AGRN: variants seen among roughly 807,000 people sequenced by gnomAD.
AGRN encodes agrin.
In AGRN, 106 loss-of-function variants were observed where a neutral mutation model predicts 211.0. That is an observed-to-expected ratio of 0.50 (90% confidence interval 0.43 to 0.59). The LOEUF (loss-of-function observed/expected upper bound fraction) is 0.59, where lower values mean the gene tolerates loss of function less well. Among genes scored for constraint, AGRN ranks in the 20% least tolerant of loss-of-function variants. AGRN has a pLI of 0.00. For synonymous variants in AGRN, 1,525 were observed against 1,332.5 expected (o/e 1.14, Z -3.15); for missense variants, 3,040 against 2,982.6 (o/e 1.02, Z -0.45).
intron 3 of AGRN, among the ~76,000 whole-genome samples, chr1:1,036,774 C>G (rs1644814329): frequency 6.6e-6 from 1 of 152,196 alleles, no homozygotes; most frequent in Non-Finnish European, 1.5e-5. Context: ...CACCAGGCTT[C>G]TCTTGGACTG....
chr1:1,054,711 G>A, intron 35 of AGRN, 113 bp from the exon 36 acceptor site: 12 of 1,494,012 alleles, frequency 8.0e-6, no homozygotes, highest in Non-Finnish European at 1.1e-5. Flanking sequence ...CCAGTGCTGT[G>A]GGGCCGGGAG....
In AGRN at chr1:1,049,227, T is replaced by C. The variant is rs896464951; in HGVS notation, c.4299-9T>C. On this transcript the variant is annotated splice_polypyrimidine_tract_variant and intron_variant, in intron 24 of 35. Coordinates refer to ENST00000379370, the MANE Select transcript of AGRN (RefSeq NM_198576.4). ...GGCGATGGTCCTGAGCACCTGCTCC[T>C]GCCCTCAGGTTTGACACAGGTTCGG... The C allele has an allele frequency of 5.7e-6, 9 of 1,570,642 alleles. No homozygotes were observed. The highest frequency in any genetic ancestry group is 3.5e-4 in the Middle Eastern group (2 of 5,752).
chr1:1,049,331 G>A lies in AGRN; in HGVS notation c.4394G>A (p.Arg1465Gln), dbSNP rs371697818. ...HRLELSRHWR[R>Q]GTLSVDGETP... is the part of the protein sequence containing the mutation. ...CTGGAGCTGTCCCGGCACTGGCGCC[G>A]GGGCACCCTCTCGGTGGATGGTGAG... Residue 1465 changes from arginine (R) to glutamine (Q), a missense_variant, in exon 25 of 36, where the codon CGG becomes CAG. Coordinates refer to ENST00000379370, the MANE Select transcript of AGRN (RefSeq NM_198576.4). 3.2e-5 allele frequency: 51 copies of A among 1,598,018 alleles called. No individual in the cohort carries two copies. The highest frequency in any genetic ancestry group is 5.0e-5 in the Admixed American group (3 of 59,920).
rs139276432 is a variant in AGRN at position 1,047,423 on chromosome 1, T to A, written c.3485T>A (p.Phe1162Tyr). 3.1e-6 allele frequency: 5 copies of A among 1,612,690 alleles called. No individual in the cohort carries two copies. Among genetic ancestry groups the A allele is most frequent in the Non-Finnish European group, 4.2e-6 (5 of 1,179,922 alleles). ...ATGGCTGACCCCAAGTCAGAACTGT[T>A]CGGGGAGACAGCCAGGAGCATTGAG... ...PEMADPKSEL[F>Y]GETARSIEST... Residue 1162 changes from phenylalanine (F) to tyrosine (Y), a missense_variant, in exon 20 of 36, where the codon TTC becomes TAC. Transcript: ENST00000379370.
rs371764695 is a variant in AGRN at position 1,040,777 on chromosome 1, T to C, written c.624T>C (p.Pro208=). The change falls in exon 4 of 36, where the codon CCT becomes CCC. Residue 208 remains proline, a synonymous_variant. Coordinates refer to ENST00000379370, the MANE Select transcript of AGRN (RefSeq NM_198576.4). ...KKSPCPSVVA[P]VCGSDASTYS... is the part of the protein sequence containing the mutation. ...GCCCGTGCCCCAGCGTGGTGGCGCC[T>C]GTGTGTGGGTCGGACGCCTCCACCT... 205 of 1,539,522 alleles carry C rather than the reference T, an allele frequency of 1.3e-4. No individual in the cohort carries two copies. The African/African-American group carries it at 2.2e-3, about 16-fold the overall frequency.
chr1:1,046,956 C>A lies in AGRN; in HGVS notation c.3387C>A (p.Pro1129=). 6.3e-7 allele frequency: 1 copy of A among 1,577,860 alleles called. No homozygotes were observed. Among genetic ancestry groups the A allele is most frequent in the Non-Finnish European group, 8.6e-7 (1 of 1,162,832 alleles). ...PSLDAEGSNC[P]ATKVFQGVLE... ...TGGACGCAGAGGGCTCCAACTGCCCCGGTGAGTGGACGGCTGGGCGAGGGG... is the reference window on the plus strand; with the variant it reads ...TGGACGCAGAGGGCTCCAACTGCCCAGGTGAGTGGACGGCTGGGCGAGGGG... The change falls in exon 19 of 36, where the codon CCC becomes CCA. Residue 1129 remains proline, a splice_region_variant and synonymous_variant. Transcript: ENST00000379370.
intron 21 of AGRN, 34 bp downstream of exon 21, chr1:1,047,721 C>G: frequency 1.2e-6 from 2 of 1,612,680 alleles, no homozygotes; most frequent in Non-Finnish European, 1.7e-6. Context: ...TCCTGGGAGG[C>G]AATGGGTGGG....
intron 33 of AGRN, chr1:1,053,121 A>C: frequency 3.8e-6 from 1 of 264,324 alleles, no homozygotes; most frequent in Non-Finnish European, 7.5e-6. Context: ...TCTCCACTCC[A>C]TACCACCCTA....
intron 2 of AGRN, 108 bp from the exon 3 acceptor site, chr1:1,035,169 T>TGGGGGGGGGGGGGGG (rs56001364): frequency 2.3e-6 from 2 of 882,624 alleles, no homozygotes; most frequent in Non-Finnish European, 1.7e-6. Context: ...GGGCTAGCGG[T>TGGGGGGGGGGGGGGG]GGGGGGGGGG....
rs1360724840 is a variant in AGRN, at chr1:1,049,803, TG to T, written c.4744+12del. ...GCCCGCCCGGCCGCGTCGGTGAGGG[TG>T]GGGCCGGGGCGGGTGGGAGTGGGAC... is the stretch of plus-strand genomic sequence containing the variant. On this transcript the variant is annotated intron_variant, in intron 26 of 35. Coordinates refer to ENST00000379370, the MANE Select transcript of AGRN (RefSeq NM_198576.4). 6.3e-7 allele frequency: 1 copy of T among 1,598,300 alleles called. No individual in the cohort carries two copies. Among genetic ancestry groups the T allele is most frequent in the Non-Finnish European group, 8.5e-7 (1 of 1,173,366 alleles).
chr1:1,048,895 G>A lies in AGRN; in HGVS notation c.4134G>A (p.Glu1378=). Residue 1378 remains glutamate (E), a synonymous_variant, in exon 24 of 36, where the codon GAG becomes GAA. Coordinates refer to ENST00000379370, the MANE Select transcript of AGRN (RefSeq NM_198576.4). The surrounding 1 kb of genome is among the most constrained non-coding windows in gnomAD (Gnocchi z 5.9). ...TTGGCGCCCCTGTGCCGGCCTTCGA[G>A]GGCCGCTCCTTCCTGGCCTTCCCCA... ...KVLGAPVPAF[E]GRSFLAFPTL... is the part of the protein sequence containing the mutation. 3 of 1,547,584 alleles carry A rather than the reference G, an allele frequency of 1.9e-6. No individual in the cohort carries two copies. Among genetic ancestry groups the A allele is most frequent in the Non-Finnish European group, 2.6e-6 (3 of 1,146,204 alleles).
In AGRN at chr1:1,045,669, C is replaced by T. The variant is rs1469698532; in HGVS notation, c.2537-64C>T. The stretch of plus-strand genomic sequence containing the variant: ...CAGAGCCAGGGTTGGGGACCAGGCT[C>T]TGGAGGAGGTGGGGAAGCCCGTCCA... On this transcript the variant is annotated intron_variant, in intron 14 of 35. Coordinates refer to ENST00000379370, the MANE Select transcript of AGRN (RefSeq NM_198576.4). The T allele has an allele frequency of 5.0e-6, 8 of 1,612,228 alleles. No individual in the cohort carries two copies. The African/African-American group carries it at 9.3e-5, about 19-fold the overall frequency.
Position 1,054,880 on chromosome 1 carries a change from T to A in AGRN, c.6037T>A (p.Phe2013Ile), listed in dbSNP as rs1372437352. The part of the protein sequence containing the change: ...PALPKAYGTG[F>I]VGCLRDVVVG... The stretch of plus-strand genomic sequence containing the variant: ...ACTGCCCAAGGCCTACGGCACAGGC[T>A]TTGTGGGCTGCTTGCGGGACGTGGT... Residue 2013 changes from phenylalanine to isoleucine, a missense_variant, in exon 36 of 36, where the codon TTT (phenylalanine) becomes ATT (isoleucine). Phe to Ile is a conservative substitution (Grantham distance 21). Transcript: ENST00000379370. 2 of 1,554,618 alleles carry A rather than the reference T, an allele frequency of 1.3e-6. No homozygotes were observed. The highest frequency in any genetic ancestry group is 1.7e-6 in the Non-Finnish European group (2 of 1,150,332).
In AGRN at chr1:1,040,719, G is replaced by C. The variant is rs1644906679; in HGVS notation, c.566G>C (p.Gly189Ala). Reference protein sequence around the residue: ...FGAVCEPNAEGPGRASCVCKK... With the variant: ...FGAVCEPNAEAPGRASCVCKK... ...GCCGTGTGCGAGCCCAACGCGGAGG[G>C]GCCGGGCCGGGCGTCCTGCGTCTGC... is the stretch of plus-strand genomic sequence containing the variant. Residue 189 changes from glycine (G) to alanine (A), a missense_variant, in exon 4 of 36, where the codon GGG (glycine) becomes GCG (alanine). Physicochemically the swap from Gly to Ala is moderately conservative, Grantham distance 60. Transcript: ENST00000379370. 1 of 1,546,624 alleles carries C rather than the reference G, an allele frequency of 6.5e-7. No individual in the cohort carries two copies. Among genetic ancestry groups the C allele is most frequent in the African/African-American group, 1.4e-5 (1 of 73,126 alleles).
At chr1:1,041,446 A>G (rs1253768809) in intron 5 of AGRN, 32 bp from the exon 6 acceptor site, 1 of 1,564,660 alleles carries the variant, frequency 6.4e-7, no homozygotes, top group Non-Finnish European at 8.6e-7. Context: ...GCGCGCGGCG[A>G]CAGCGTCCTG....
Position 1,043,565 on chromosome 1 carries a change from C to T in AGRN, c.1631C>T (p.Ala544Val), listed in dbSNP as rs767182533. Residue 544 changes from alanine to valine, a missense_variant, in exon 9 of 36, where the codon GCC becomes GTC. This residue lies in a region of AGRN where 1,498 missense variants were observed against 1,457.8 expected (regional missense o/e 1.03). Transcript: ENST00000379370. The stretch of plus-strand genomic sequence containing the variant: ...CGCTGCGGGCAGTGCCGCTTTGGAG[C>T]CCTGTGCGAGGCCGAGACCGGGCGC... ...CDRCGQCRFGALCEAETGRCV... is the reference protein window; with the variant it reads ...CDRCGQCRFGVLCEAETGRCV... The T allele has an allele frequency of 2.5e-6, 4 of 1,605,112 alleles. No homozygotes were observed. Among genetic ancestry groups the T allele is most frequent in the Non-Finnish European group, 3.4e-6 (4 of 1,179,804 alleles).
At chr1:1,051,904 G>T in intron 33 of AGRN, 89 bp downstream of exon 33, 1 of 1,559,564 alleles carries the variant, frequency 6.4e-7, no homozygotes, top group Non-Finnish European at 8.7e-7. Flanking sequence ...CCCAGGAGGG[G>T]ACGGCCCGGT....
chr1:1,027,902 T>C (rs1366800766), intron 2 of AGRN, among the ~76,000 whole-genome samples: 1 of 152,090 alleles, frequency 6.6e-6, no homozygotes, highest in African/African-American at 2.4e-5. Flanking sequence ...TGTCCGCAGG[T>C]GGGAGGCTCC....
rs771865347 is a variant in AGRN, at chr1:1,047,672, G to A, written c.3616G>A (p.Val1206Met). ...PGKSVRAIVD[V>M]HFDPTTAFRA... ...CAAATCCGTCCGCGCCATTGTGGAT[G>A]TGCACTTTGACCCCAGTGAGACCTG... Residue 1206 changes from valine to methionine, a missense_variant, in exon 21 of 36, where the codon GTG becomes ATG. Val to Met is a conservative substitution (Grantham distance 21). Transcript: ENST00000379370. 5 of 1,613,112 alleles carry A rather than the reference G, an allele frequency of 3.1e-6. No individual in the cohort carries two copies. The highest frequency in any genetic ancestry group is 2.2e-5 in the South Asian group (2 of 91,088).
Sources: gnomAD v4.1 joint callset for allele counts (sites outside exome capture counted in the v4.1 genomes callset) on GRCh38, gnomAD v4.1.1 for gene constraint, gnomAD v4.1.1 regional missense constraint, Gnocchi (gnomAD v3.1) non-coding constraint, MANE v1.5 for transcripts, NCBI Gene and HGNC (gene_info 2026-07-23, HGNC 2026-07-21) for gene names.